KLF16: variants seen among roughly 807,000 people sequenced by gnomAD.
KLF16 encodes KLF transcription factor 16, also known as Krueppel-like factor 16.
KLF16 carries 6 observed loss-of-function variants against 6.1 expected under a neutral mutation model. The ratio of observed to expected loss-of-function variants is 0.98; its 90% confidence interval spans 0.54 to 1.93. The LOEUF is 1.93. KLF16 is among the 30% of genes most tolerant of loss of function. The pLI, the probability that KLF16 is intolerant of heterozygous loss-of-function variation, is 0.01. For synonymous variants in KLF16, 211 were observed against 176.5 expected (o/e 1.20, Z -1.55); for missense variants, 355 against 363.8 (o/e 0.98, Z 0.20).
chr19:1,863,588 CGGA>C (rs571616389), upstream of KLF16: 1,559 of 445,720 alleles, frequency 3.5e-3, 1 homozygote, highest in East Asian at 0.016. Flanking sequence ...GTGCGGGAGG[CGGA>C]GGAGGAGGAG....
the KLF16 span, among the ~76,000 whole-genome samples, chr19:1,871,949 C>G: frequency 1.3e-5 from 2 of 152,144 alleles, no homozygotes; most frequent in Admixed American, 6.5e-5. Context: ...TGCGAATCCC[C>G]CAACCCCTGC....
the KLF16 span, among the ~76,000 whole-genome samples, chr19:1,873,501 C>G: frequency 1.3e-5 from 2 of 151,846 alleles, no homozygotes; most frequent in Non-Finnish European, 2.9e-5. Context: ...GTGTCTGTCC[C>G]GTCACCCAGG....
the KLF16 span, among the ~76,000 whole-genome samples, chr19:1,871,638 CA>C: frequency 6.6e-6 from 1 of 152,102 alleles, no homozygotes; most frequent in African/African-American, 2.4e-5. Context: ...TGGTCCAGTC[CA>C]GGGGGGCCAC....
chr19:1,858,673 C>A (rs1316370507), intron 1 of KLF16, among the ~76,000 whole-genome samples: 2 of 152,086 alleles, frequency 1.3e-5, no homozygotes, highest in Non-Finnish European at 2.9e-5. Flanking sequence ...GTCCTCCCCA[C>A]CCCGCCGCCA....
At chr19:1,865,525 A>G (rs541313930), upstream of KLF16, among the ~76,000 whole-genome samples, 1 of 152,344 alleles carries the variant, frequency 6.6e-6, no homozygotes, top group African/African-American at 2.4e-5. Context: ...AGGGGCTTAC[A>G]GTTGTAACTG....
chr19:1,860,737 C>T (rs1414892357), intron 1 of KLF16, among the ~76,000 whole-genome samples: 3 of 152,202 alleles, frequency 2.0e-5, no homozygotes, highest in Admixed American at 6.5e-5. Context: ...CTCCCTCCTC[C>T]GGGGGCTGAA....
the KLF16 span, among the ~76,000 whole-genome samples, chr19:1,871,825 A>ATC: frequency 6.6e-6 from 1 of 152,018 alleles, no homozygotes; most frequent in Non-Finnish European, 1.5e-5. Context: ...TGCAGGGAGC[A>ATC]TCTCTGGGGT....
the KLF16 span, chr19:1,876,264 C>T: frequency 6.6e-6 from 1 of 152,464 alleles, no homozygotes; most frequent in Non-Finnish European, 1.5e-5. Context: ...ACCGCCCCCC[C>T]TTAAAGGGGC....
intron 1 of KLF16, among the ~76,000 whole-genome samples, chr19:1,855,997 G>A (rs989110887): frequency 2.6e-5 from 4 of 152,212 alleles, no homozygotes; most frequent in African/African-American, 9.7e-5. Flanking sequence ...TGGCCCCAAA[G>A]CCTATTCTCA....
At chr19:1,858,715 G>A (rs1002188882) in intron 1 of KLF16, among the ~76,000 whole-genome samples, 1 of 151,992 alleles carries the variant, frequency 6.6e-6, no homozygotes, top group Non-Finnish European at 1.5e-5. Context: ...CATAAAAGGA[G>A]GCCCACCTGA....
intron 1 of KLF16, chr19:1,862,701 A>C (rs2145369850): frequency 4.2e-6 from 1 of 238,246 alleles, no homozygotes. Context: ...CCCACCGCCC[A>C]GACCAGAACG....
chr19:1,863,459 G>A lies in KLF16; in HGVS notation c.39C>T (p.Ala13=). Residue 13 remains alanine, a synonymous_variant, in exon 1 of 2, where the codon GCC becomes GCT. Coordinates refer to ENST00000250916, the MANE Select transcript of KLF16 (RefSeq NM_031918.4). ...CCGAAGAGATGGCCATGAGCACGTC[G>A]GCGGCGAAGTAATCCACGCACGCCA... ...AAVACVDYFA[A]DVLMAISSGA... 2.9e-6 allele frequency: 3 copies of A among 1,049,044 alleles called. No individual in the cohort carries two copies. Among genetic ancestry groups the A allele is most frequent in the South Asian group, 5.2e-5 (2 of 38,220 alleles). 65.0% of individuals were successfully genotyped at this position (1,049,044 alleles called of 1,614,324 possible).
rs2011875506 is a variant in KLF16 at position 1,853,372 on chromosome 19, G to A, written c.*1087C>T. On this transcript the variant is annotated 3_prime_UTR_variant, in exon 2 of 2. Transcript: ENST00000250916. ...GTCCACGAGGCAAGACCTCAACCAC[G>A]GGCCAGGACCCACCTCTTCCAAGCA... is the stretch of plus-strand genomic sequence containing the variant. 1 of 152,452 alleles carries A rather than the reference G, an allele frequency of 6.6e-6. No homozygotes were observed. Among genetic ancestry groups the A allele is most frequent in the South Asian group, 2.1e-4 (1 of 4,838 alleles). The allele number at this position is 152,452 out of a possible 1,614,324, so 9.4% of individuals were successfully genotyped here. A position where few individuals can be genotyped will look rare whatever the true frequency, so the allele number is the denominator to read the frequency against.
chr19:1,863,309 G>T lies in KLF16; in HGVS notation c.189C>A (p.Pro63=). Residue 63 remains proline (P), a synonymous_variant, in exon 1 of 2, where the codon CCC becomes CCA. Transcript: ENST00000250916. ...CGCCGGGGCCCGGGCCAGAAGCGGC[G>T]GGGGGCGGCGGGGGTGGCCCCGGGG... ...PGTPGPPPPP[P]AASGPGPGAA... is the part of the protein sequence containing the mutation. 1.0e-6 allele frequency: 1 copy of T among 981,306 alleles called. No homozygotes were observed. Among genetic ancestry groups the T allele is most frequent in the Non-Finnish European group, 1.2e-6 (1 of 828,752 alleles). The allele number at this position is 981,306 out of a possible 1,614,324, so 60.8% of individuals were successfully genotyped here.
At chr19:1,862,631 A>G (rs990831453) in intron 1 of KLF16, among the ~76,000 whole-genome samples, 2 of 151,228 alleles carry the variant, frequency 1.3e-5, no homozygotes, top group Non-Finnish European at 3.0e-5. Context: ...AGATAAGGAA[A>G]CTGAGGCTGG....
At chr19:1,872,695 T>C in the KLF16 span, among the ~76,000 whole-genome samples, 6 of 152,048 alleles carry the variant, frequency 3.9e-5, no homozygotes, top group Non-Finnish European at 7.4e-5. Flanking sequence ...CTGAGCCACC[T>C]GTGCTGTCGT....
the KLF16 span, among the ~76,000 whole-genome samples, chr19:1,872,105 T>G: frequency 6.6e-6 from 1 of 152,106 alleles, no homozygotes; most frequent in Non-Finnish European, 1.5e-5. Flanking sequence ...CTTTCCCCCT[T>G]GAACAGGGTC....
chr19:1,860,595 C>T (rs1355971041), intron 1 of KLF16, among the ~76,000 whole-genome samples: 1 of 152,168 alleles, frequency 6.6e-6, no homozygotes, highest in Non-Finnish European at 1.5e-5. Flanking sequence ...CTGCAGCCAC[C>T]GGTGACTCGG....
chr19:1,874,746 C>CAA, the KLF16 span: 382 of 41,982 alleles, frequency 9.1e-3, 26 homozygotes, highest in Middle Eastern at 0.024. Context: ...GTCAGAGTCC[C>CAA]AAAAAAAAAA....
Sources: gnomAD v4.1 joint callset for allele counts (sites outside exome capture counted in the v4.1 genomes callset) on GRCh38, gnomAD v4.1.1 for gene constraint, MANE v1.5 for transcripts, NCBI Gene and HGNC (gene_info 2026-07-23, HGNC 2026-07-21) for gene names.